The following HK2 variants were observed in gnomAD, a reference collection of about 807,000 sequenced individuals.
The protein encoded by HK2 is hexokinase 2, also known as hexokinase-2.
In HK2, 42 loss-of-function variants were observed where a neutral mutation model predicts 92.9. The observed-to-expected ratio is 0.45, with a 90% CI of 0.35 to 0.58. The LOEUF (loss-of-function observed/expected upper bound fraction) is 0.58, where lower values mean the gene tolerates loss of function less well. Among genes scored for constraint, HK2 ranks in the 20% least tolerant of loss-of-function variants. The probability of loss-of-function intolerance (pLI) is 0.00; values close to 1 mark genes in which losing one functional copy is unlikely to be tolerated. For synonymous variants in HK2, 422 were observed against 468.0 expected (o/e 0.90, Z 1.27); for missense variants, 978 against 1,245.1 (o/e 0.79, Z 3.23).
chr2:74,846,179 CAG>C (rs1688429716), intron 1 of HK2, among the ~76,000 whole-genome samples: 1 of 152,220 alleles, frequency 6.6e-6, no homozygotes, highest in African/African-American at 2.4e-5. Flanking sequence ...TGTGTCAGCA[CAG>C]AGTCACTGGA....
At chr2:74,881,162 A>G (rs991404286) in intron 10 of HK2, among the ~76,000 whole-genome samples, 3 of 152,256 alleles carry the variant, frequency 2.0e-5, no homozygotes, top group African/African-American at 4.8e-5. Flanking sequence ...CAAAGACTGC[A>G]TGACCCACAG....
intron 1 of HK2, among the ~76,000 whole-genome samples, chr2:74,852,373 T>A (rs541916052): frequency 6.6e-6 from 1 of 152,184 alleles, no homozygotes; most frequent in African/African-American, 2.4e-5. Flanking sequence ...ACCCTTGAAC[T>A]AGGGTCACTG....
intron 1 of HK2, among the ~76,000 whole-genome samples, chr2:74,852,294 T>A (rs1279454186): frequency 6.6e-6 from 1 of 152,206 alleles, no homozygotes; most frequent in East Asian, 1.9e-4. Flanking sequence ...AAAGTTGTAA[T>A]GTAGCATTCC....
intron 3 of HK2, among the ~76,000 whole-genome samples, chr2:74,871,880 C>T (rs1689107130): frequency 6.6e-6 from 1 of 152,192 alleles, no homozygotes; most frequent in Non-Finnish European, 1.5e-5. Context: ...GCAAGATGGG[C>T]TGGCCTTTGG....
At chr2:74,853,746 G>C (rs1688626725) in intron 1 of HK2, among the ~76,000 whole-genome samples, 1 of 148,834 alleles carries the variant, frequency 6.7e-6, no homozygotes, top group East Asian at 2.0e-4. Flanking sequence ...GCCCGATCAT[G>C]TGGGGCCCTG....
chr2:74,852,469 C>T (rs919969047), intron 1 of HK2, among the ~76,000 whole-genome samples: 1 of 152,066 alleles, frequency 6.6e-6, no homozygotes, highest in Non-Finnish European at 1.5e-5. Context: ...CTTTTTCCTC[C>T]TGGGGAGCCT....
intron 3 of HK2, among the ~76,000 whole-genome samples, chr2:74,869,822 G>A (rs1217963689): frequency 6.6e-6 from 1 of 152,094 alleles, no homozygotes; most frequent in Non-Finnish European, 1.5e-5. Flanking sequence ...CTTCCCACTT[G>A]AGAAAAGATG....
chr2:74,887,981 A>T lies in HK2; in HGVS notation c.2298A>T (p.Leu766=), dbSNP rs10194657. The T allele has an allele frequency of 6.2e-7, 1 of 1,613,516 alleles. No homozygotes were observed. The highest frequency in any genetic ancestry group is 1.1e-5 in the South Asian group (1 of 91,072). Residue 766 remains leucine (L), a synonymous_variant, in exon 16 of 18, where the codon CTA becomes CTT. Transcript: ENST00000290573. The part of the protein sequence containing the change: ...NILIDFTKRG[L]LFRGRISERL... ...TCATCGATTTCACCAAGCGTGGACT[A>T]CTCTTCCGAGGCCGCATCTCAGAGC...
chr2:74,837,636 G>C (rs752357768), intron 1 of HK2, among the ~76,000 whole-genome samples: 10 of 145,996 alleles, frequency 6.8e-5, no homozygotes, highest in Non-Finnish European at 1.3e-4. Context: ...TCATTCCTCT[G>C]TCCTGCCTGT....
intron 10 of HK2, among the ~76,000 whole-genome samples, chr2:74,880,889 G>A (rs149269036): frequency 2.6e-4 from 39 of 152,306 alleles, no homozygotes; most frequent in African/African-American, 7.9e-4. Context: ...AAACTGAGGC[G>A]CAGAGAAGTT....
chr2:74,856,485 AC>A (rs1329409788), intron 2 of HK2, among the ~76,000 whole-genome samples: 1 of 152,056 alleles, frequency 6.6e-6, no homozygotes, highest in Non-Finnish European at 1.5e-5. Context: ...TGGAAACCAC[AC>A]CCACTTCTGA....
Position 74,870,597 on chromosome 2 carries a change from A to G in HK2, c.376-1703A>G, listed in dbSNP as rs115909709. The stretch of plus-strand genomic sequence containing the variant: ...TTTTGGGATAAAAACTATTTGTACT[A>G]AAGATCATTTTGACTAGAGTGCCAG... On this transcript the variant is annotated intron_variant, in intron 3 of 17. Coordinates refer to ENST00000290573, the MANE Select transcript of HK2 (RefSeq NM_000189.5). Among the ~76,000 whole-genome samples the G allele has an allele frequency of 3.6e-3, 513 of 142,902 alleles. 3 individuals are homozygous for G. Among genetic ancestry groups the G allele is most frequent in the African/African-American group, 0.012 (469 of 38,534 alleles). The allele number at this position is 142,902 out of a possible 152,430, so 93.7% of individuals were successfully genotyped here.
chr2:74,842,195 C>T (rs1294802520), intron 1 of HK2, among the ~76,000 whole-genome samples: 1 of 152,178 alleles, frequency 6.6e-6, no homozygotes, highest in African/African-American at 2.4e-5. Context: ...ATAGTCAATG[C>T]TTTATGTATT....
At chr2:74,868,155 A>G (rs1046238709) in intron 3 of HK2, among the ~76,000 whole-genome samples, 2 of 152,212 alleles carry the variant, frequency 1.3e-5, no homozygotes, top group African/African-American at 4.8e-5. Flanking sequence ...GACCATGAGT[A>G]GAACACGCTG....
chr2:74,853,870 C>T (rs543922953), intron 1 of HK2, among the ~76,000 whole-genome samples: 2 of 152,014 alleles, frequency 1.3e-5, no homozygotes, highest in East Asian at 1.9e-4. Flanking sequence ...GGATTGTAGG[C>T]GTCCGGGAAA....
At chr2:74,882,080 C>A in intron 11 of HK2, 40 bp from the exon 12 acceptor site, 1 of 1,603,946 alleles carries the variant, frequency 6.2e-7, no homozygotes, top group African/African-American at 1.3e-5. Flanking sequence ...GCCTGCCCTG[C>A]CCAGGGCCCC....
chr2:74,836,868 C>T (rs1447115107), intron 1 of HK2, among the ~76,000 whole-genome samples: 1 of 152,126 alleles, frequency 6.6e-6, no homozygotes, highest in Non-Finnish European at 1.5e-5. Context: ...TTGATTTGGA[C>T]CCTTCTGAAA....
At chr2:74,853,963 G>A (rs1187452621) in intron 1 of HK2, among the ~76,000 whole-genome samples, 4 of 152,122 alleles carry the variant, frequency 2.6e-5, no homozygotes, top group Admixed American at 2.6e-4. Flanking sequence ...AACAAGAGAT[G>A]AGGGTAATGA....
intron 2 of HK2, among the ~76,000 whole-genome samples, chr2:74,855,896 G>A (rs1057454035): frequency 5.9e-5 from 9 of 152,252 alleles, no homozygotes; most frequent in South Asian, 2.1e-4. Flanking sequence ...GAAGGGGACC[G>A]AACAAAGTTG....
Sources: allele counts gnomAD v4.1 joint callset (sites outside exome capture counted in the v4.1 genomes callset), GRCh38; gene constraint gnomAD v4.1.1; transcripts MANE v1.5; gene names NCBI Gene and HGNC (gene_info 2026-07-23, HGNC 2026-07-21).